Variants in ZNF385D observed in about 807,000 individuals in gnomAD.
ZNF385D encodes the protein zinc finger protein 385D, also known as zinc finger protein 659.
ZNF385D carries 15 observed loss-of-function variants against 35.8 expected under a neutral mutation model. That is an observed-to-expected ratio of 0.42 (90% CI 0.28 to 0.64). ZNF385D has a LOEUF of 0.64. Ranked by LOEUF, ZNF385D falls within the 30% of genes least tolerant of loss-of-function variation. The pLI, the probability that ZNF385D is intolerant of heterozygous loss-of-function variation, is 0.23. For synonymous variants in ZNF385D, 212 were observed against 186.8 expected, an observed-to-expected ratio of 1.13 and a Z score of -1.10; for missense variants, 474 against 494.6, an observed-to-expected ratio of 0.96 and a Z score of 0.39.
At chr3:22,367,230 T>C (rs1239089008) in intron 2 of ZNF385D, among the ~76,000 whole-genome samples, 1 of 152,158 alleles carries the variant, frequency 6.6e-6, no homozygotes, top group Non-Finnish European at 1.5e-5. Flanking sequence ...CTGAGATTTA[T>C]TTTCACTACT....
intron 2 of ZNF385D, among the ~76,000 whole-genome samples, chr3:21,570,465 T>G (rs1438851596): frequency 6.6e-6 from 1 of 152,228 alleles, no homozygotes; most frequent in Non-Finnish European, 1.5e-5. Flanking sequence ...AGACCTCTTC[T>G]GTCTGTGTTC....
chr3:21,987,813 A>T (rs1321945665), intron 3 of ZNF385D, among the ~76,000 whole-genome samples: 2 of 127,446 alleles, frequency 1.6e-5, no homozygotes, highest in Non-Finnish European at 3.2e-5. Context: ...CACCAATCAG[A>T]CGTAGATTTG....
intron 3 of ZNF385D, among the ~76,000 whole-genome samples, chr3:21,906,254 T>C (rs574615677): frequency 5.8e-4 from 89 of 152,300 alleles, no homozygotes; most frequent in African/African-American, 2.0e-3. Flanking sequence ...TCTTCCCAGG[T>C]TTGTTTCTGC....
chr3:21,977,141 A>C (rs1321504495), intron 3 of ZNF385D, among the ~76,000 whole-genome samples: 1 of 152,096 alleles, frequency 6.6e-6, no homozygotes, highest in South Asian at 2.1e-4. Context: ...CTAATCTATG[A>C]CTCTAATTAG....
intron 3 of ZNF385D, among the ~76,000 whole-genome samples, chr3:21,795,085 T>A (rs761520867): frequency 1.7e-4 from 26 of 152,192 alleles, no homozygotes; most frequent in Admixed American, 9.2e-4. Flanking sequence ...ATTGAAGAAG[T>A]TTTAATATAA....
At chr3:21,725,835 G>A (rs949327230) in intron 1 of ZNF385D, among the ~76,000 whole-genome samples, 2 of 152,050 alleles carry the variant, frequency 1.3e-5, no homozygotes, top group Non-Finnish European at 2.9e-5. Flanking sequence ...ATTTTATGAG[G>A]CCAGCATCAT....
intron 3 of ZNF385D, among the ~76,000 whole-genome samples, chr3:21,821,505 A>C: frequency 6.6e-6 from 1 of 152,342 alleles, no homozygotes; most frequent in South Asian, 2.1e-4. Context: ...AAATCTATTT[A>C]AATTCAGAAA....
chr3:21,474,457 C>T (rs1704104715), intron 4 of ZNF385D, among the ~76,000 whole-genome samples: 2 of 152,094 alleles, frequency 1.3e-5, no homozygotes, highest in Non-Finnish European at 2.9e-5. Flanking sequence ...TTTCAGGTAA[C>T]ATGAGAGTAA....
At position 21,985,309 on chromosome 3, in the gene ZNF385D, T is replaced by G. The variant is rs1257229263; in HGVS notation, c.325+183508A>C. ...TATGATATTGGCTGTGGGTTTGTCA[T>G]AGATAGCTCTTATTATTTTGAAATA... On this transcript the variant is annotated intron_variant, in intron 3 of 5. Coordinates refer to the ZNF385D transcript ENST00000494108. Among the ~76,000 whole-genome samples the G allele has an allele frequency of 4.0e-5, 4 of 100,424 alleles. 1 individual carries two copies. The highest frequency in any genetic ancestry group is 7.9e-4 in the South Asian group (2 of 2,524). The allele number at this position is 100,424 out of a possible 152,430, so 65.9% of individuals were successfully genotyped here. A position where few individuals can be genotyped will look rare whatever the true frequency, so the allele number is the denominator to read the frequency against.
At chr3:22,119,084 T>C (rs544476123) in intron 3 of ZNF385D, among the ~76,000 whole-genome samples, 37 of 152,282 alleles carry the variant, frequency 2.4e-4, no homozygotes, top group African/African-American at 8.9e-4. Context: ...CCAGATTAAC[T>C]GTTCTACAGG....
intron 2 of ZNF385D, among the ~76,000 whole-genome samples, chr3:21,657,939 A>G (rs141095827): frequency 6.6e-6 from 1 of 152,086 alleles, no homozygotes; most frequent in Non-Finnish European, 1.5e-5. Context: ...TACAGGAATC[A>G]TTTTTTAAAG....
At chr3:21,453,651 T>G (rs1260880271) in intron 4 of ZNF385D, among the ~76,000 whole-genome samples, 9 of 151,930 alleles carry the variant, frequency 5.9e-5, no homozygotes, top group African/African-American at 2.2e-4. Flanking sequence ...GAAATACCAT[T>G]TCACAACCAC....
chr3:21,517,062 GA>G (rs1490452614), intron 3 of ZNF385D, among the ~76,000 whole-genome samples: 1 of 140,120 alleles, frequency 7.1e-6, no homozygotes, highest in Non-Finnish European at 1.6e-5. Flanking sequence ...AATCTTAAAT[GA>G]TTACAGGAAA....
chr3:21,627,174 G>T (rs560269542), intron 2 of ZNF385D, among the ~76,000 whole-genome samples: 3 of 150,898 alleles, frequency 2.0e-5, no homozygotes, highest in Non-Finnish European at 4.4e-5. Context: ...TATTTGCTAG[G>T]CTATTTGTTT....
chr3:22,227,950 C>G (rs1698658427), intron 2 of ZNF385D, among the ~76,000 whole-genome samples: 1 of 152,176 alleles, frequency 6.6e-6, no homozygotes, highest in African/African-American at 2.4e-5. Context: ...ATAAAAGTTG[C>G]TAACACCCCA....
At chr3:21,565,045 A>G (rs112527348) in intron 2 of ZNF385D, among the ~76,000 whole-genome samples, 85 of 152,342 alleles carry the variant, frequency 5.6e-4, no homozygotes, top group African/African-American at 2.0e-3. Context: ...TGTCTATACC[A>G]TTGCCCAAAA....
chr3:21,952,389 G>A (rs911438978), intron 3 of ZNF385D, among the ~76,000 whole-genome samples: 5 of 151,884 alleles, frequency 3.3e-5, no homozygotes, highest in Admixed American at 2.6e-4. Flanking sequence ...GCCTCATTAG[G>A]AGAGGCATCA....
In ZNF385D at chr3:22,255,014, C is replaced by T. The variant is rs115489028; in HGVS notation, c.107-85979G>A. On this transcript the variant is annotated intron_variant, in intron 2 of 5. Transcript: ENST00000494108. ...TGGCACACGATTTCATCACATTATT[C>T]AGAACAATGTGCAAACATGCAATTT... Among the ~76,000 whole-genome samples the T allele has an allele frequency of 5.4e-3, 827 of 151,884 alleles. 6 individuals carry two copies. Among genetic ancestry groups the T allele is most frequent in the African/African-American group, 0.019 (772 of 41,494 alleles).
At chr3:21,867,290 C>T (rs774355493) in intron 3 of ZNF385D, among the ~76,000 whole-genome samples, 1 of 152,110 alleles carries the variant, frequency 6.6e-6, no homozygotes, top group East Asian at 1.9e-4. Context: ...GACACTGTTG[C>T]ATTGGAAATT....
Sources: allele counts gnomAD v4.1 joint callset (sites outside exome capture counted in the v4.1 genomes callset), GRCh38; gene constraint gnomAD v4.1.1; transcripts MANE v1.5; gene names NCBI Gene and HGNC (gene_info 2026-07-23, HGNC 2026-07-21).